Variants in ANKRD36C observed in about 807,000 individuals in gnomAD.
The protein encoded by ANKRD36C is ankyrin repeat domain-containing protein 36C.
ANKRD36C carries 61 observed loss-of-function variants against 276.4 expected under a neutral mutation model. The observed-to-expected ratio is 0.22, with a 90% confidence interval of 0.18 to 0.27. The LOEUF (loss-of-function observed/expected upper bound fraction) is 0.27. ANKRD36C is among the 10% of genes least tolerant of loss of function. The pLI is 1.00. For synonymous variants in ANKRD36C, 483 were observed against 680.1 expected, an observed-to-expected ratio of 0.71 and a Z score of 4.51; for missense variants, 1,447 against 2,032.3, an observed-to-expected ratio of 0.71 and a Z score of 5.54.
chr2:95,975,368 C>A lies in ANKRD36C; in HGVS notation c.799+2754G>T, dbSNP rs1336191748. Among the ~76,000 whole-genome samples, 4 of 152,214 alleles carry A rather than the reference C, an allele frequency of 2.6e-5. No homozygotes were observed. In the East Asian group the frequency reaches 7.7e-4, roughly 29 times the overall value. ...AAGCTGGAGGCATCACACTACCTGA[C>A]TTCAAACTATACTACAAGGCTACAG... On this transcript the variant is annotated intron_variant, in intron 6 of 66. Transcript: ENST00000456556.
rs563317506 is a variant in ANKRD36C at position 95,867,436 on chromosome 2, C to T, written c.3682+4G>A. ...AAAGCCTTATATTTATGCATTGGTCCTACCTTTACACTTCATTTCATGTTG... is the reference window on the plus strand; with the variant it reads ...AAAGCCTTATATTTATGCATTGGTCTTACCTTTACACTTCATTTCATGTTG... On this transcript the variant is annotated splice_donor_region_variant and intron_variant, in intron 60 of 66. Transcript: ENST00000456556. The T allele has an allele frequency of 3.5e-5, 45 of 1,282,028 alleles. No individual in the cohort carries two copies. In the South Asian group the frequency reaches 5.5e-4, roughly 16 times the overall value. 79.4% of individuals were successfully genotyped at this position (1,282,028 alleles called of 1,614,324 possible).
chr2:95,860,184 C>T lies in ANKRD36C; in HGVS notation c.3683-110G>A, dbSNP rs985906667. On this transcript the variant is annotated intron_variant, in intron 60 of 66. Transcript: ENST00000456556. ...CATTCATATGTTGAACAAGTATGTACATATTGAGTGCCTACAAAGTGGAAG... is the reference window on the plus strand; with the variant it reads ...CATTCATATGTTGAACAAGTATGTATATATTGAGTGCCTACAAAGTGGAAG... 3 of 830,124 alleles carry T rather than the reference C, an allele frequency of 3.6e-6. No individual in the cohort carries two copies. In the African/African-American group the frequency reaches 5.1e-5, roughly 14 times the overall value. 51.4% of individuals were successfully genotyped at this position (830,124 alleles called of 1,614,324 possible).
downstream of ANKRD36C, among the ~76,000 whole-genome samples, chr2:95,849,808 A>T (rs1675250503): frequency 6.6e-6 from 1 of 152,176 alleles, no homozygotes; most frequent in South Asian, 2.1e-4. Flanking sequence ...GGCTTTGCTG[A>T]TCTGACAGGA....
In ANKRD36C at chr2:95,920,554, T is replaced by C. The variant is rs138884735; in HGVS notation, c.2245+1053A>G. On this transcript the variant is annotated intron_variant, in intron 34 of 66. Coordinates refer to ENST00000456556, the Ensembl canonical transcript of ANKRD36C. ...TTTCTTGTATCCACTAGTTTATCCCTCTGAAACTTTCTTCATCATGTCATG... is the reference window on the plus strand; with the variant it reads ...TTTCTTGTATCCACTAGTTTATCCCCCTGAAACTTTCTTCATCATGTCATG... Among the ~76,000 whole-genome samples, 112 of 132,688 alleles carry C rather than the reference T, an allele frequency of 8.4e-4. 15 individuals carry two copies. Among genetic ancestry groups the C allele is most frequent in the African/African-American group, 2.9e-3 (109 of 38,110 alleles). 87.0% of individuals were successfully genotyped at this position (132,688 alleles called of 152,430 possible).
chr2:95,982,358 T>G (rs1256496928), exon 4 of ANKRD36C: 1 of 1,539,882 alleles, frequency 6.5e-7, no homozygotes, highest in East Asian at 2.4e-5. Context: ...TGGCGGATAT[T>G]CATCCTGTAA....
intron 64 of ANKRD36C, chr2:95,853,047 T>A (rs1238860037): frequency 6.6e-6 from 1 of 152,260 alleles, no homozygotes; most frequent in Non-Finnish European, 1.5e-5. Flanking sequence ...TAACCCCCTT[T>A]TTAGTTTAGC....
intron 59 of ANKRD36C, among the ~76,000 whole-genome samples, chr2:95,870,114 C>A (rs1675772006): frequency 6.6e-6 from 1 of 152,228 alleles, no homozygotes; most frequent in South Asian, 2.1e-4. Flanking sequence ...ACAGCAGTAA[C>A]CTCTGCAGAC....
intron 60 of ANKRD36C, among the ~76,000 whole-genome samples, chr2:95,862,194 A>C (rs1675602097): frequency 6.6e-6 from 1 of 152,108 alleles, no homozygotes; most frequent in South Asian, 2.1e-4. Flanking sequence ...AAGAAGGCAG[A>C]AAATCAGCGA....
At chr2:95,949,843 C>T (rs940758934) in intron 16 of ANKRD36C, among the ~76,000 whole-genome samples, 30 of 152,358 alleles carry the variant, frequency 2.0e-4, no homozygotes, top group Non-Finnish European at 3.2e-4. Flanking sequence ...ATTCTATGCA[C>T]CTCTGATTTT....
At chr2:95,959,482 T>C (rs1408258843) in intron 10 of ANKRD36C, among the ~76,000 whole-genome samples, 1 of 152,240 alleles carries the variant, frequency 6.6e-6, no homozygotes, top group Non-Finnish European at 1.5e-5. Context: ...CATCAAAAAG[T>C]ATAATAAACC....
chr2:95,889,832 T>A (rs1198989002), exon 48 of ANKRD36C: 2 of 1,600,758 alleles, frequency 1.2e-6, no homozygotes. Context: ...TTTGTTTCTG[T>A]GGCCATATTC....
intron 6 of ANKRD36C, among the ~76,000 whole-genome samples, chr2:95,963,766 A>G (rs985175903): frequency 4.7e-4 from 51 of 108,592 alleles, no homozygotes; most frequent in African/African-American, 1.8e-3. Context: ...TAATATTCCT[A>G]CATTTCCCGG....
intron 6 of ANKRD36C, 92 bp downstream of exon 6, chr2:95,978,030 T>C: frequency 2.3e-6 from 1 of 444,086 alleles, no homozygotes; most frequent in African/African-American, 2.1e-5. Flanking sequence ...AAACAGTGAT[T>C]TTTTTAAACT....
At chr2:95,922,504 G>A (rs1288999305) in intron 32 of ANKRD36C, among the ~76,000 whole-genome samples, 1 of 151,482 alleles carries the variant, frequency 6.6e-6, no homozygotes, top group Non-Finnish European at 1.5e-5. Flanking sequence ...TCAATAAAAA[G>A]CATCATCAAT....
In ANKRD36C at chr2:95,891,879, T is replaced by C. The variant is rs569882198; in HGVS notation, c.2756-19A>G. On this transcript the variant is annotated intron_variant, in intron 44 of 66. Coordinates refer to ENST00000456556, the Ensembl canonical transcript of ANKRD36C. The stretch of plus-strand genomic sequence containing the variant: ...GAAGACACTGAAAAGTAAAAGGGAT[T>C]CATAATCACTCATATGTAAAAATGA... 35 of 1,556,504 alleles carry C rather than the reference T, an allele frequency of 2.2e-5. No individual in the cohort carries two copies. The highest frequency in any genetic ancestry group is 9.6e-5 in the Admixed American group (5 of 52,196).
intron 19 of ANKRD36C, among the ~76,000 whole-genome samples, chr2:95,944,384 T>C (rs917763408): frequency 7.2e-5 from 11 of 152,224 alleles, no homozygotes; most frequent in African/African-American, 2.4e-4. Flanking sequence ...CCCATGCATA[T>C]ATTTCCCTTG....
chr2:95,918,147 G>C (rs574507629), intron 34 of ANKRD36C, 105 bp from the exon 37 acceptor site: 17 of 1,497,018 alleles, frequency 1.1e-5, no homozygotes, highest in African/African-American at 9.6e-5. Context: ...GCCTGTACTA[G>C]TGTAGGCTCT....
At chr2:95,897,574 A>C in intron 44 of ANKRD36C, 109 bp from the exon 59 acceptor site, 1 of 1,403,816 alleles carries the variant, frequency 7.1e-7, no homozygotes, top group South Asian at 1.2e-5. Flanking sequence ...GTATTAGCGT[A>C]GGCTTTGATG....
intron 19 of ANKRD36C, among the ~76,000 whole-genome samples, chr2:95,941,991 A>G (rs1393970916): frequency 3.3e-5 from 5 of 152,298 alleles, no homozygotes; most frequent in African/African-American, 1.2e-4. Flanking sequence ...TTTCATTGCT[A>G]CTTTCTTGGT....
Sources: allele counts gnomAD v4.1 joint callset (sites outside exome capture counted in the v4.1 genomes callset), GRCh38; gene constraint gnomAD v4.1.1; transcripts MANE v1.5; gene names NCBI Gene and HGNC (gene_info 2026-07-23, HGNC 2026-07-21).